The following SOS2 variants were observed in gnomAD, a reference collection of about 807,000 sequenced individuals.
SOS2 encodes the protein SOS Ras/Rho guanine nucleotide exchange factor 2.
SOS2 carries 65 observed loss-of-function variants against 148.2 expected under a neutral mutation model. The ratio of observed to expected loss-of-function variants is 0.44; its 90% CI spans 0.36 to 0.54. The LOEUF (loss-of-function observed/expected upper bound fraction) is 0.54. Among genes scored for constraint, SOS2 ranks in the 20% least tolerant of loss-of-function variants. The pLI, the probability that SOS2 is intolerant of heterozygous loss-of-function variation, is 0.00. For missense variants in SOS2, 1,341 were observed against 1,590.2 expected, an observed-to-expected ratio of 0.84 and a Z score of 2.67; for synonymous variants, 539 against 537.1, an observed-to-expected ratio of 1.00 and a Z score of -0.05.
intron 7 of SOS2, among the ~76,000 whole-genome samples, 164 bp from the exon 8 acceptor site, chr14:50,174,716 T>TG (rs1885469638): frequency 6.6e-6 from 1 of 152,216 alleles, no homozygotes; most frequent in Non-Finnish European, 1.5e-5. Flanking sequence ...AAGTTGTTCT[T>TG]TTCTCCCTTT....
chr14:50,136,687 C>G (rs1238349749), intron 18 of SOS2, among the ~76,000 whole-genome samples: 4 of 151,048 alleles, frequency 2.6e-5, no homozygotes, highest in African/African-American at 9.8e-5. Flanking sequence ...CCTTCTGGGT[C>G]CAAGCGATCC....
chr14:50,136,466 G>A (rs1884083794), intron 18 of SOS2, among the ~76,000 whole-genome samples: 1 of 152,108 alleles, frequency 6.6e-6, no homozygotes, highest in Non-Finnish European at 1.5e-5. Context: ...CATTATTCCT[G>A]TGGGGACCAT....
intron 5 of SOS2, among the ~76,000 whole-genome samples, chr14:50,183,968 C>T (rs897235716): frequency 2.3e-4 from 35 of 152,148 alleles, no homozygotes; most frequent in African/African-American, 8.2e-4. Flanking sequence ...ATAGGTATAG[C>T]CTGTTGCTCC....
chr14:50,135,273 C>A (rs1221139783), intron 18 of SOS2, among the ~76,000 whole-genome samples: 1 of 151,526 alleles, frequency 6.6e-6, no homozygotes, highest in Admixed American at 6.6e-5. Context: ...CCAGCCAGGG[C>A]AATATGGTGA....
At chr14:50,189,850 A>ATTT (rs67295878) in intron 4 of SOS2, among the ~76,000 whole-genome samples, 3 of 126,264 alleles carry the variant, frequency 2.4e-5, no homozygotes, top group Non-Finnish European at 3.3e-5. Flanking sequence ...TTTATTTTTT[A>ATTT]TTTTTTTTTT....
At chr14:50,162,914 T>G (rs1406723446) in intron 8 of SOS2, among the ~76,000 whole-genome samples, 1 of 142,490 alleles carries the variant, frequency 7.0e-6, no homozygotes, top group Non-Finnish European at 1.5e-5. Context: ...TTTTTTTTTT[T>G]GAGACAGGGT....
At chr14:50,135,071 CAAAAAAAAAAA>C (rs746540364) in intron 18 of SOS2, among the ~76,000 whole-genome samples, 1 of 57,516 alleles carries the variant, frequency 1.7e-5, no homozygotes, top group Non-Finnish European at 3.4e-5. Context: ...GAGACTGTCT[CAAAAAAAAAAA>C]AAAAAAAAAA....
At chr14:50,118,910 T>A (rs1016879184) in intron 22 of SOS2, 57 bp from the exon 23 acceptor site, 1,117 of 1,032,966 alleles carry the variant, frequency 1.1e-3, no homozygotes, top group Non-Finnish European at 1.2e-3. Flanking sequence ...AAAAAAAAAA[T>A]TTTTAAGTCT....
chr14:50,169,586 G>A (rs930986668), intron 8 of SOS2, among the ~76,000 whole-genome samples: 14 of 152,054 alleles, frequency 9.2e-5, no homozygotes, highest in African/African-American at 3.1e-4. Context: ...GTTGCAGTGA[G>A]CCAAGATTGC....
intron 6 of SOS2, 38 bp downstream of exon 6, chr14:50,182,425 G>C (rs1009495700): frequency 1.8e-5 from 28 of 1,589,914 alleles, no homozygotes; most frequent in Non-Finnish European, 2.4e-5. Context: ...ACAGCATTTA[G>C]GGCTTTAATG....
intron 21 of SOS2, among the ~76,000 whole-genome samples, chr14:50,125,296 G>A (rs1400653716): frequency 1.3e-5 from 2 of 152,210 alleles, no homozygotes; most frequent in Non-Finnish European, 2.9e-5. Flanking sequence ...CCAGAAGGTA[G>A]AAGAAGCAAG....
chr14:50,189,051 C>T lies in SOS2; in HGVS notation c.511-351G>A, dbSNP rs566106841. Reference sequence around the variant, plus strand: ...CTGCACTCCAGCCTGGGCGACAGAGCGAGACTCCATCACACACACACACAC... The same window carrying T: ...CTGCACTCCAGCCTGGGCGACAGAGTGAGACTCCATCACACACACACACAC... On this transcript the variant is annotated intron_variant, in intron 4 of 22. Coordinates refer to ENST00000216373, the MANE Select transcript of SOS2 (RefSeq NM_006939.4). Among the ~76,000 whole-genome samples the T allele has an allele frequency of 7.2e-5, 9 of 124,182 alleles. 1 individual carries two copies. In the South Asian group the frequency reaches 2.0e-3, roughly 27 times the overall value. 81.5% of individuals were successfully genotyped at this position (124,182 alleles called of 152,430 possible).
chr14:50,171,971 G>C (rs1405809534), intron 8 of SOS2, among the ~76,000 whole-genome samples: 1 of 144,556 alleles, frequency 6.9e-6, no homozygotes, highest in Admixed American at 6.9e-5. Context: ...TGTTTCTTTA[G>C]AGTATATATT....
At chr14:50,216,428 G>A (rs940147154) in intron 1 of SOS2, among the ~76,000 whole-genome samples, 2 of 152,048 alleles carry the variant, frequency 1.3e-5, no homozygotes, top group Non-Finnish European at 2.9e-5. Context: ...AATTTAAAAA[G>A]AAAATAAAAA....
chr14:50,202,562 T>C (rs1886527926), intron 2 of SOS2, among the ~76,000 whole-genome samples: 1 of 151,982 alleles, frequency 6.6e-6, no homozygotes, highest in African/African-American at 2.4e-5. Context: ...AGGGAGACCC[T>C]GTCTCTACAA....
chr14:50,139,806 TA>T (rs1884210488), intron 17 of SOS2, 135 bp downstream of exon 17: 2 of 497,258 alleles, frequency 4.0e-6, no homozygotes, highest in Non-Finnish European at 7.3e-6. Flanking sequence ...TAGAGAGTTT[TA>T]TTATTTATTA....
chr14:50,180,188 G>A (rs1885685280), intron 7 of SOS2, among the ~76,000 whole-genome samples: 1 of 150,854 alleles, frequency 6.6e-6, no homozygotes, highest in Non-Finnish European at 1.5e-5. Flanking sequence ...AATTTTAGTC[G>A]AGACAGGGTT....
At chr14:50,224,101 G>A (rs563691358) in intron 1 of SOS2, among the ~76,000 whole-genome samples, 31 of 151,336 alleles carry the variant, frequency 2.0e-4, no homozygotes, top group African/African-American at 6.8e-4. Context: ...TGGCCAACAT[G>A]GTGAAACCCC....
chr14:50,167,740 T>TGCAC (rs1885211783), intron 8 of SOS2, among the ~76,000 whole-genome samples: 1 of 151,544 alleles, frequency 6.6e-6, no homozygotes. Context: ...CGTGGTGGTG[T>TGCAC]GCACCTGTAA....
Sources: allele counts gnomAD v4.1 joint callset (sites outside exome capture counted in the v4.1 genomes callset), GRCh38; gene constraint gnomAD v4.1.1; transcripts MANE v1.5; gene names NCBI Gene and HGNC (gene_info 2026-07-23, HGNC 2026-07-21).